Variants in MACROD2 observed in about 807,000 individuals in gnomAD.
MACROD2 encodes ADP-ribose glycohydrolase MACROD2.
In MACROD2, 36 loss-of-function variants were observed where a neutral mutation model predicts 70.4. The ratio of observed to expected loss-of-function variants is 0.51; its 90% confidence interval spans 0.39 to 0.68. The LOEUF is 0.68. Among genes scored for constraint, MACROD2 ranks in the 30% least tolerant of loss-of-function variants. The probability of loss-of-function intolerance (pLI) is 0.00; values close to 1 mark genes in which losing one functional copy is unlikely to be tolerated. For missense variants in MACROD2, 496 were observed against 538.4 expected, an observed-to-expected ratio of 0.92 and a Z score of 0.78; for synonymous variants, 172 against 178.8, an observed-to-expected ratio of 0.96 and a Z score of 0.30.
At chr20:14,487,747 A>T (rs1339808256) in intron 3 of MACROD2, among the ~76,000 whole-genome samples, 2 of 152,178 alleles carry the variant, frequency 1.3e-5, no homozygotes, top group African/African-American at 4.8e-5. Flanking sequence ...CAGGGGATTC[A>T]TCGTATGGAT....
intron 10 of MACROD2, among the ~76,000 whole-genome samples, chr20:15,927,987 C>A (rs2065516859): frequency 6.6e-6 from 1 of 152,160 alleles, no homozygotes; most frequent in Non-Finnish European, 1.5e-5. Flanking sequence ...TAAAGAGACA[C>A]AACAACTGAA....
At chr20:13,998,824 A>G (rs1302554545) in intron 1 of MACROD2, among the ~76,000 whole-genome samples, 4 of 151,878 alleles carry the variant, frequency 2.6e-5, no homozygotes, top group Non-Finnish European at 5.9e-5. Flanking sequence ...TCGTGGTGGC[A>G]CACGCCTGTA....
At chr20:15,078,890 C>T (rs2075680819) in intron 5 of MACROD2, among the ~76,000 whole-genome samples, 1 of 152,038 alleles carries the variant, frequency 6.6e-6, no homozygotes, top group East Asian at 1.9e-4. Flanking sequence ...AGGTGATCCA[C>T]CTGGCTTAGC....
At chr20:15,951,306 G>GAC (rs58032991) in intron 12 of MACROD2, among the ~76,000 whole-genome samples, 47,849 of 135,350 alleles carry the variant, frequency 0.35, 8,551 homozygotes, top group Non-Finnish European at 0.42. Context: ...TATTTATCTA[G>GAC]ACACACACAC....
At chr20:15,225,165 G>T (rs1416647873) in intron 5 of MACROD2, among the ~76,000 whole-genome samples, 4 of 151,926 alleles carry the variant, frequency 2.6e-5, no homozygotes, top group African/African-American at 7.3e-5. Context: ...AATTATTGAG[G>T]CTAGGAAAAT....
chr20:14,538,914 T>A (rs899726525), intron 4 of MACROD2, among the ~76,000 whole-genome samples: 1 of 152,186 alleles, frequency 6.6e-6, no homozygotes, highest in African/African-American at 2.4e-5. Context: ...CAACCCAGTC[T>A]CCAAATGTAA....
In MACROD2 at chr20:15,987,085, A is replaced by G. The variant is rs1462194249; in HGVS notation, c.1080A>G (p.Glu360=). 58 of 1,609,720 alleles carry G rather than the reference A, an allele frequency of 3.6e-5. No individual in the cohort carries two copies. Among genetic ancestry groups the G allele is most frequent in the Non-Finnish European group, 4.8e-5 (57 of 1,179,138 alleles). ...ATTTAGAACTTTCATCAAACCAAGA[A>G]GATGCCGTGATTGTGGAGCAACCAG... ...METEELSSNQ[E]DAVIVEQPEV... is the part of the protein sequence containing the mutation. Residue 360 remains glutamate (E), a synonymous_variant, in exon 15 of 18, where the codon GAA becomes GAG. Coordinates refer to ENST00000684519, the MANE Select transcript of MACROD2 (RefSeq NM_001351661.2).
intron 5 of MACROD2, among the ~76,000 whole-genome samples, chr20:15,155,695 T>C (rs1165032894): frequency 1.3e-5 from 2 of 152,098 alleles, no homozygotes; most frequent in African/African-American, 4.8e-5. Flanking sequence ...TTTATCACCA[T>C]GGGATCCCTA....
chr20:14,302,559 A>C (rs752945604), intron 3 of MACROD2, among the ~76,000 whole-genome samples: 1 of 152,150 alleles, frequency 6.6e-6, no homozygotes, highest in Non-Finnish European at 1.5e-5. Flanking sequence ...AGTGATTTTA[A>C]TGTCCTTATA....
chr20:15,339,582 G>C (rs2078085505), intron 6 of MACROD2, among the ~76,000 whole-genome samples: 1 of 151,706 alleles, frequency 6.6e-6, no homozygotes, highest in Admixed American at 6.6e-5. Flanking sequence ...AACTTATCTT[G>C]TGCTTATCAG....
chr20:14,183,559 C>G (rs2081321658), intron 3 of MACROD2, among the ~76,000 whole-genome samples: 2 of 152,018 alleles, frequency 1.3e-5, no homozygotes, highest in Non-Finnish European at 2.9e-5. Flanking sequence ...ACTGGGATTG[C>G]TGGGTTGAAT....
At chr20:14,492,907 C>T (rs1024328879) in intron 3 of MACROD2, among the ~76,000 whole-genome samples, 13 of 151,718 alleles carry the variant, frequency 8.6e-5, no homozygotes, top group South Asian at 2.1e-4. Flanking sequence ...AATGTGTGTG[C>T]GGGGTTAATA....
chr20:15,230,887 G>T (rs1293098774), intron 6 of MACROD2, among the ~76,000 whole-genome samples: 1 of 152,058 alleles, frequency 6.6e-6, no homozygotes, highest in Non-Finnish European at 1.5e-5. Context: ...TCCCTTGGTT[G>T]TTCCCCCTCC....
intron 3 of MACROD2, among the ~76,000 whole-genome samples, chr20:14,349,067 CTAAA>C (rs1197984111): frequency 1.3e-5 from 2 of 151,784 alleles, no homozygotes; most frequent in Non-Finnish European, 2.9e-5. Context: ...GGCCCTGTCT[CTAAA>C]TAAATAAACA....
At chr20:14,276,472 T>C (rs55857915) in intron 3 of MACROD2, among the ~76,000 whole-genome samples, 2,242 of 96,206 alleles carry the variant, frequency 0.023, 27 homozygotes, top group Middle Eastern at 0.048. Context: ...CTCTGGGGAC[T>C]GTTGTGGGGT....
At chr20:15,471,446 G>T (rs1223739774) in intron 7 of MACROD2, among the ~76,000 whole-genome samples, 2 of 152,160 alleles carry the variant, frequency 1.3e-5, no homozygotes, top group African/African-American at 4.8e-5. Flanking sequence ...GGTGTAGGTA[G>T]TGTTATTCTC....
At chr20:15,622,260 G>C (rs2049136546) in intron 8 of MACROD2, among the ~76,000 whole-genome samples, 1 of 152,202 alleles carries the variant, frequency 6.6e-6, no homozygotes, top group Admixed American at 6.5e-5. Context: ...CTCCAAATAA[G>C]TTTGAGGAGA....
At chr20:15,207,332 T>C (rs1445239432) in intron 5 of MACROD2, among the ~76,000 whole-genome samples, 6 of 152,112 alleles carry the variant, frequency 3.9e-5, no homozygotes, top group Non-Finnish European at 8.8e-5. Flanking sequence ...GTTTGCTGGA[T>C]ATAGGATTCT....
chr20:14,798,538 T>G (rs1230890398), intron 5 of MACROD2, among the ~76,000 whole-genome samples: 2 of 152,116 alleles, frequency 1.3e-5, no homozygotes, highest in Non-Finnish European at 2.9e-5. Flanking sequence ...TCACTGGATT[T>G]CATAAGTTGA....
Sources: gnomAD v4.1 joint callset for allele counts (sites outside exome capture counted in the v4.1 genomes callset) on GRCh38, gnomAD v4.1.1 for gene constraint, MANE v1.5 for transcripts, NCBI Gene and HGNC (gene_info 2026-07-23, HGNC 2026-07-21) for gene names.